MTA3: variants seen among roughly 807,000 people sequenced by gnomAD.
The protein encoded by MTA3 is metastasis associated 1 family member 3, also known as metastasis-associated protein MTA3.
A neutral mutation model predicts 83.5 loss-of-function variants in MTA3; 34 were observed. The ratio of observed to expected loss-of-function variants is 0.41; its 90% CI spans 0.31 to 0.54. The LOEUF (loss-of-function observed/expected upper bound fraction) is 0.54. Among genes scored for constraint, MTA3 ranks in the 20% least tolerant of loss-of-function variants. The pLI is 0.33. For synonymous variants in MTA3, 303 were observed against 252.7 expected (o/e 1.20, Z -1.89); for missense variants, 761 against 726.4 (o/e 1.05, Z -0.55).
chr2:42,626,088 G>A (rs113250605), intron 4 of MTA3, among the ~76,000 whole-genome samples: 2,081 of 148,604 alleles, frequency 0.014, 84 homozygotes, highest in African/African-American at 0.049. Context: ...GACTACAGGC[G>A]CCTGCCACCA....
chr2:42,622,769 G>C (rs891806238), intron 4 of MTA3, among the ~76,000 whole-genome samples: 6 of 151,750 alleles, frequency 4.0e-5, no homozygotes, highest in Admixed American at 2.6e-4. Context: ...TGGGATTATA[G>C]GTGTGAGCTA....
chr2:42,607,686 A>T lies in MTA3; in HGVS notation c.191-1772A>T, dbSNP rs1683651308. ...ATCTTTTGAATTCTCTTTACTCTTCATCCACTCTAATAATTGATTTATCTC... is the reference window on the plus strand; with the variant it reads ...ATCTTTTGAATTCTCTTTACTCTTCTTCCACTCTAATAATTGATTTATCTC... On this transcript the variant is annotated intron_variant, in intron 3 of 16. Coordinates refer to ENST00000405094, the MANE Select transcript of MTA3 (RefSeq NM_001330442.2). Among the ~76,000 whole-genome samples, 3 of 152,136 alleles carry T rather than the reference A, an allele frequency of 2.0e-5. No individual in the cohort carries two copies. The South Asian group carries it at 6.2e-4, about 32-fold the overall frequency.
chr2:42,683,683 G>A (rs1017122424), intron 9 of MTA3, among the ~76,000 whole-genome samples: 1 of 152,150 alleles, frequency 6.6e-6, no homozygotes, highest in Non-Finnish European at 1.5e-5. Flanking sequence ...TAAGAAGTAC[G>A]CTACCTAGAT....
intron 16 of MTA3, among the ~76,000 whole-genome samples, chr2:42,751,550 C>T (rs936550281): frequency 2.0e-4 from 30 of 152,260 alleles, no homozygotes; most frequent in African/African-American, 7.0e-4. Flanking sequence ...GTGGTAAGTA[C>T]TGGGATTCTT....
At chr2:42,709,861 G>C (rs1377090781) in intron 14 of MTA3, among the ~76,000 whole-genome samples, 1 of 152,092 alleles carries the variant, frequency 6.6e-6, no homozygotes, top group Non-Finnish European at 1.5e-5. Context: ...CAACACATTT[G>C]GTCTTGCTTA....
At chr2:42,528,896 G>C (rs1287985210) in intron 2 of MTA3, among the ~76,000 whole-genome samples, 1 of 152,232 alleles carries the variant, frequency 6.6e-6, no homozygotes, top group African/African-American at 2.4e-5. Flanking sequence ...GTGACACACA[G>C]AAACAGCTGG....
At chr2:42,503,964 C>G (rs1007530471) in intron 2 of MTA3, among the ~76,000 whole-genome samples, 32 of 141,096 alleles carry the variant, frequency 2.3e-4, no homozygotes, top group African/African-American at 8.6e-4. Flanking sequence ...CCTCTTGTCA[C>G]CCAGGCTGGT....
At chr2:42,554,715 TA>T (rs1191403152) in intron 2 of MTA3, among the ~76,000 whole-genome samples, 1 of 152,152 alleles carries the variant, frequency 6.6e-6, no homozygotes, top group African/African-American at 2.4e-5. Context: ...GTGGATATTC[TA>T]AATAGAGGGA....
chr2:42,540,849 T>A (rs1260604681), intron 2 of MTA3, among the ~76,000 whole-genome samples: 2 of 144,652 alleles, frequency 1.4e-5, no homozygotes, highest in East Asian at 4.1e-4. Context: ...AAAAAAAAAT[T>A]AAAAAAAAAA....
At chr2:42,671,993 T>C (rs1276290804) in intron 8 of MTA3, among the ~76,000 whole-genome samples, 3 of 152,198 alleles carry the variant, frequency 2.0e-5, no homozygotes, top group African/African-American at 7.2e-5. Flanking sequence ...AACTCAACTA[T>C]TACACTTTTC....
chr2:42,664,667 C>A (rs539671453), intron 8 of MTA3, among the ~76,000 whole-genome samples: 1 of 151,748 alleles, frequency 6.6e-6, no homozygotes, highest in South Asian at 2.1e-4. Flanking sequence ...CTATTCTGAT[C>A]GCTTTAGCAC....
chr2:42,666,567 T>C (rs1313200438), intron 8 of MTA3, among the ~76,000 whole-genome samples: 2 of 152,210 alleles, frequency 1.3e-5, no homozygotes, highest in Non-Finnish European at 1.5e-5. Context: ...CCCCACATAG[T>C]TAACTCTGTT....
chr2:42,594,717 TATATA>T (rs1681507046), intron 3 of MTA3, among the ~76,000 whole-genome samples: 1 of 40,610 alleles, frequency 2.5e-5, no homozygotes, highest in Non-Finnish European at 3.9e-5. Flanking sequence ...TATATATATA[TATATA>T]TATATATTTT....
chr2:42,602,828 T>C (rs1285783105), intron 3 of MTA3, among the ~76,000 whole-genome samples: 1 of 152,178 alleles, frequency 6.6e-6, no homozygotes, highest in Non-Finnish European at 1.5e-5. Flanking sequence ...AGGAGTGTTC[T>C]CTAATTACCA....
At chr2:42,659,960 C>T (rs779550345) in intron 8 of MTA3, 98 bp downstream of exon 8, 1 of 798,982 alleles carries the variant, frequency 1.3e-6, no homozygotes, top group East Asian at 3.4e-5. Flanking sequence ...AGCTTTTGGG[C>T]TCTTAGCCTT....
chr2:42,753,824 A>G lies in MTA3; in HGVS notation c.*425A>G. The G allele has an allele frequency of 2.0e-6, 2 of 997,442 alleles. No individual in the cohort carries two copies. Among genetic ancestry groups the G allele is most frequent in the Non-Finnish European group, 2.4e-6 (2 of 837,770 alleles). The allele number at this position is 997,442 out of a possible 1,614,324, so 61.8% of individuals were successfully genotyped here. A position where few individuals can be genotyped will look rare whatever the true frequency, so the allele number is the denominator to read the frequency against. ...TGCTGTATAGTTACTAAATATGTAC[A>G]GGAGGGCCATGGCATCTTTCTGAAT... On this transcript the variant is annotated 3_prime_UTR_variant, in exon 17 of 17. Transcript: ENST00000405094.
At chr2:42,547,591 A>G (rs1434019111) in intron 2 of MTA3, among the ~76,000 whole-genome samples, 1 of 152,224 alleles carries the variant, frequency 6.6e-6, no homozygotes, top group Admixed American at 6.5e-5. Context: ...AAGGCCTCTC[A>G]AAGCGCTGGG....
intron 2 of MTA3, among the ~76,000 whole-genome samples, chr2:42,577,157 A>C (rs1391139901): frequency 6.9e-6 from 1 of 144,108 alleles, no homozygotes; most frequent in Non-Finnish European, 1.5e-5. Context: ...TAATTGCTGT[A>C]ATGCACTTAG....
chr2:42,553,063 G>A (rs1387432016), intron 2 of MTA3, among the ~76,000 whole-genome samples: 1 of 152,010 alleles, frequency 6.6e-6, no homozygotes, highest in African/African-American at 2.4e-5. Flanking sequence ...GATTGCTTGA[G>A]GCCAGGAGTT....
Sources: allele counts gnomAD v4.1 joint callset (sites outside exome capture counted in the v4.1 genomes callset), GRCh38; gene constraint gnomAD v4.1.1; transcripts MANE v1.5; gene names NCBI Gene and HGNC (gene_info 2026-07-23, HGNC 2026-07-21).